Variants in NTRK3 observed in about 807,000 individuals in gnomAD.
NTRK3 encodes NT-3 growth factor receptor.
Under a neutral mutation model 91.7 loss-of-function variants are expected in NTRK3, and 24 were observed. The ratio of observed to expected loss-of-function variants is 0.26; its 90% CI spans 0.19 to 0.37. The LOEUF is 0.37. Ranked by LOEUF, NTRK3 falls within the 10% of genes least tolerant of loss-of-function variation. NTRK3 has a pLI of 1.00. For missense variants in NTRK3, 880 were observed against 1,068.9 expected (o/e 0.82, Z 2.46); for synonymous variants, 483 against 404.0 (o/e 1.20, Z -2.34).
At position 88,234,826 on chromosome 15, in the gene NTRK3, T is replaced by C. The variant is rs546835099; in HGVS notation, c.248+21080A>G. 6.6e-6 allele frequency among the ~76,000 whole-genome samples: 1 copy of C among 152,294 alleles called. No individual in the cohort carries two copies. Among genetic ancestry groups the C allele is most frequent in the South Asian group, 2.1e-4 (1 of 4,822 alleles). ...ACAGCCTGCATGACCCTGCTTGATC[T>C]AGTCCCTGCAGACCTCTCCAACCTC... On this transcript the variant is annotated intron_variant, in intron 3 of 18. Coordinates refer to ENST00000394480, the Ensembl canonical transcript of NTRK3. This position sits in a 1 kb window ranked among gnomAD's most constrained non-coding sequence, Gnocchi z 6.1.
chr15:87,900,894 C>T (rs1294269182), intron 17 of NTRK3, among the ~76,000 whole-genome samples: 1 of 152,098 alleles, frequency 6.6e-6, no homozygotes, highest in African/African-American at 2.4e-5. Flanking sequence ...AGGGATCATC[C>T]AGTTCCAAAA....
At chr15:87,877,103 G>C (rs2064982162) in exon 19 of NTRK3, 1 of 1,613,958 alleles carries the variant, frequency 6.2e-7, no homozygotes, top group Non-Finnish European at 8.5e-7. Flanking sequence ...CACGACCTTG[G>C]GTAATGCACT....
rs548326944 is a variant in NTRK3 at position 88,237,348 on chromosome 15, C to T, written c.248+18558G>A. ...TCCCAAAGAAAACAATTCCATAGCC[C>T]TATTTTGTGACCCATTGTTTTGGGA... is the stretch of plus-strand genomic sequence containing the variant. On this transcript the variant is annotated intron_variant, in intron 3 of 18. Coordinates refer to ENST00000394480, the Ensembl canonical transcript of NTRK3. The surrounding 1 kb of genome is among the most constrained non-coding windows in gnomAD (Gnocchi z 4.0). 2.0e-5 allele frequency among the ~76,000 whole-genome samples: 3 copies of T among 152,228 alleles called. No individual in the cohort carries two copies. The East Asian group carries it at 5.8e-4, about 29-fold the overall frequency.
chr15:88,003,796 G>A (rs1436858985), intron 14 of NTRK3, among the ~76,000 whole-genome samples: 1 of 149,972 alleles, frequency 6.7e-6, no homozygotes, highest in Non-Finnish European at 1.5e-5. Context: ...GCACAAGGGT[G>A]TAAGGAACCA....
intron 13 of NTRK3, among the ~76,000 whole-genome samples, chr15:88,061,272 T>C (rs2142478187): frequency 6.6e-6 from 1 of 152,328 alleles, no homozygotes; most frequent in South Asian, 2.1e-4. Flanking sequence ...AATCTGGACT[T>C]GCAACAGGAA....
intron 5 of NTRK3, among the ~76,000 whole-genome samples, chr15:88,147,994 G>A (rs935207630): frequency 1.3e-5 from 2 of 152,238 alleles, no homozygotes; most frequent in South Asian, 4.2e-4. Flanking sequence ...GAAGAAACAC[G>A]CCCACGGTTA....
rs183818827 is a variant in NTRK3, at chr15:88,078,761, G to A, written c.1397-45716C>T. Among the ~76,000 whole-genome samples the A allele has an allele frequency of 7.9e-5, 12 of 152,348 alleles. No homozygotes were observed. In the East Asian group the frequency reaches 2.3e-3, roughly 29 times the overall value. Reference sequence around the variant, plus strand: ...CTCAGCAGGGGATGAACCATAAGGAGTCCTGGGGAAGCGACACTCCAGGCA... The same window carrying A: ...CTCAGCAGGGGATGAACCATAAGGAATCCTGGGGAAGCGACACTCCAGGCA... On this transcript the variant is annotated intron_variant, in intron 13 of 18. Coordinates refer to ENST00000394480, the Ensembl canonical transcript of NTRK3.
chr15:87,937,857 A>G (rs780342472), intron 15 of NTRK3, among the ~76,000 whole-genome samples: 9 of 152,178 alleles, frequency 5.9e-5, no homozygotes, highest in Non-Finnish European at 8.8e-5. Context: ...AAGTGAAAGC[A>G]AAAACCTCCA....
At chr15:88,191,384 T>C (rs936852961) in intron 3 of NTRK3, among the ~76,000 whole-genome samples, 1 of 152,166 alleles carries the variant, frequency 6.6e-6, no homozygotes, top group African/African-American at 2.4e-5. Context: ...GACAGGGTTA[T>C]ACCATGTTGG....
intron 13 of NTRK3, among the ~76,000 whole-genome samples, chr15:88,053,539 G>C (rs560175326): frequency 6.6e-6 from 1 of 152,290 alleles, no homozygotes; most frequent in South Asian, 2.1e-4. Flanking sequence ...ATACAGTGAG[G>C]CCATAGGTAC....
intron 3 of NTRK3, among the ~76,000 whole-genome samples, chr15:88,202,320 C>G (rs1009850245): frequency 3.3e-5 from 5 of 152,222 alleles, no homozygotes; most frequent in African/African-American, 1.2e-4. Flanking sequence ...CACTGACTTT[C>G]TCTCCTGGCC....
At chr15:87,870,764 G>C in exon 19 of NTRK3, 1 of 224,306 alleles carries the variant, frequency 4.5e-6, no homozygotes, top group Non-Finnish European at 8.9e-6. Flanking sequence ...AGCAAGACCT[G>C]AGTGCCTCAA....
rs4887367 is a variant in NTRK3, at chr15:88,132,362, A to T, written c.1204+2739T>A. Among the ~76,000 whole-genome samples, 740 of 152,372 alleles carry T rather than the reference A, an allele frequency of 4.9e-3. 3 individuals carry two copies. The highest frequency in any genetic ancestry group is 7.6e-3 in the Non-Finnish European group (520 of 68,040). On this transcript the variant is annotated intron_variant, in intron 10 of 18. Transcript: ENST00000394480. ...CTTCCTTTAAGTCTCATGGTAGCTT[A>T]GATGGGAGATATTATCATTCCCATT...
At chr15:87,956,549 C>T (rs1397014206) in intron 14 of NTRK3, among the ~76,000 whole-genome samples, 1 of 151,706 alleles carries the variant, frequency 6.6e-6, no homozygotes, top group African/African-American at 2.4e-5. Context: ...GCTAGGATTA[C>T]AGGCGTGAGC....
chr15:88,113,508 G>A (rs1290214253), intron 13 of NTRK3, among the ~76,000 whole-genome samples: 2 of 152,036 alleles, frequency 1.3e-5, no homozygotes, highest in East Asian at 3.9e-4. Context: ...TAGAGATGGA[G>A]TTTCGCCATG....
At chr15:88,033,254 T>G (rs1038828976) in intron 13 of NTRK3, among the ~76,000 whole-genome samples, 2 of 137,306 alleles carry the variant, frequency 1.5e-5, no homozygotes, top group African/African-American at 5.5e-5. Flanking sequence ...TTTTAGATAT[T>G]AACCCCTTAT....
rs191789725 is a variant in NTRK3 at position 87,863,357 on chromosome 15, A to G, written c.*13578T>C. On this transcript the variant is annotated 3_prime_UTR_variant, in exon 19 of 19. Coordinates refer to ENST00000394480, the Ensembl canonical transcript of NTRK3. Reference sequence around the variant, plus strand: ...TCAATCAGGATAGCGGGCCCCTTCAATTCAGGGGGTTGTTTGCTGTCCCTG... The same window carrying G: ...TCAATCAGGATAGCGGGCCCCTTCAGTTCAGGGGGTTGTTTGCTGTCCCTG... The G allele has an allele frequency of 2.2e-4, 50 of 226,550 alleles. 1 individual carries two copies. The East Asian group carries it at 2.8e-3, about 13-fold the overall frequency. The allele number at this position is 226,550 out of a possible 1,614,324, so 14.0% of individuals were successfully genotyped here.
chr15:87,986,901 A>G (rs1434147111), intron 14 of NTRK3, among the ~76,000 whole-genome samples: 1 of 152,250 alleles, frequency 6.6e-6, no homozygotes. Flanking sequence ...GCAGCCACAG[A>G]CAACACATAA....
At chr15:88,156,845 G>T (rs1040180451) in intron 5 of NTRK3, among the ~76,000 whole-genome samples, 1 of 152,232 alleles carries the variant, frequency 6.6e-6, no homozygotes, top group African/African-American at 2.4e-5. Context: ...CTGGAACCCA[G>T]TAAGTGCTCA....
Sources: gnomAD v4.1 joint callset for allele counts (sites outside exome capture counted in the v4.1 genomes callset) on GRCh38, gnomAD v4.1.1 for gene constraint, Gnocchi (gnomAD v3.1) non-coding constraint, MANE v1.5 for transcripts, NCBI Gene and HGNC (gene_info 2026-07-23, HGNC 2026-07-21) for gene names.